Variants in LRGUK observed in about 807,000 individuals in gnomAD.
The protein encoded by LRGUK is leucine rich repeats and guanylate kinase domain containing.
In LRGUK, 65 loss-of-function variants were observed where a neutral mutation model predicts 76.0. That is an observed-to-expected ratio of 0.85 (90% CI 0.70 to 1.05). The LOEUF is 1.05. LRGUK is among the 50% of genes least tolerant of loss of function. The pLI is 0.00. For missense variants in LRGUK, 758 were observed against 732.8 expected, an observed-to-expected ratio of 1.03 and a Z score of -0.40; for synonymous variants, 268 against 265.6, an observed-to-expected ratio of 1.01 and a Z score of -0.09.
At chr7:134,161,317 T>A (rs1025094062) in intron 6 of LRGUK, among the ~76,000 whole-genome samples, 1 of 151,980 alleles carries the variant, frequency 6.6e-6, no homozygotes, top group Admixed American at 6.6e-5. Flanking sequence ...TTTGGTGTAG[T>A]TTTTTTTCTT....
intron 9 of LRGUK, among the ~76,000 whole-genome samples, chr7:134,177,735 G>C (rs543875734): frequency 6.6e-6 from 1 of 152,306 alleles, no homozygotes; most frequent in South Asian, 2.1e-4. Context: ...AGAGAGGCAC[G>C]TATTCCATCT....
intron 8 of LRGUK, 47 bp downstream of exon 8, chr7:134,174,683 A>G (rs1322628694): frequency 3.8e-6 from 4 of 1,040,230 alleles, no homozygotes; most frequent in Non-Finnish European, 6.0e-6. Context: ...AGAAAGTGGG[A>G]TGGTGGAGGG....
chr7:134,216,929 G>A (rs1484962574), intron 15 of LRGUK, among the ~76,000 whole-genome samples: 1 of 152,118 alleles, frequency 6.6e-6, no homozygotes, highest in Non-Finnish European at 1.5e-5. Flanking sequence ...GGATTGGGTG[G>A]CAATCCCATC....
At chr7:134,199,371 T>C (rs1800653228) in exon 14 of LRGUK, 2 of 1,613,858 alleles carry the variant, frequency 1.2e-6, no homozygotes, top group South Asian at 2.2e-5. Context: ...GACCTTTATA[T>C]TAAAATTAAT....
At chr7:134,131,303 A>G (rs967032101) in intron 1 of LRGUK, among the ~76,000 whole-genome samples, 1 of 152,262 alleles carries the variant, frequency 6.6e-6, no homozygotes, top group African/African-American at 2.4e-5. Context: ...AATAAATAAT[A>G]ACAGTAATGG....
At chr7:134,242,786 T>C (rs1802196436) in intron 16 of LRGUK, among the ~76,000 whole-genome samples, 1 of 152,142 alleles carries the variant, frequency 6.6e-6, no homozygotes, top group Non-Finnish European at 1.5e-5. Flanking sequence ...ATGATGATCA[T>C]CGATGCAAAA....
At chr7:134,183,937 A>T in intron 11 of LRGUK, 84 bp downstream of exon 11, 1 of 1,495,392 alleles carries the variant, frequency 6.7e-7, no homozygotes, top group Non-Finnish European at 9.2e-7. Context: ...AATCTCCGAT[A>T]TTGCTAATGT....
intron 15 of LRGUK, among the ~76,000 whole-genome samples, chr7:134,204,966 G>A (rs192698005): frequency 6.6e-5 from 10 of 152,310 alleles, no homozygotes; most frequent in Admixed American, 4.6e-4. Flanking sequence ...GTGGACCTTC[G>A]TGGTGAGTGT....
rs571632408 is a variant in LRGUK at position 134,136,998 on chromosome 7, G to T, written c.298-25G>T. On this transcript the variant is annotated intron_variant, in intron 1 of 15. Transcript: ENST00000645682. ...CTTTTCTAATGAGAATCTTTTCTTT[G>T]TCTACCTTTCTGGGTTTTTTACAGG... 1.7e-5 allele frequency: 26 copies of T among 1,517,770 alleles called. No individual in the cohort carries two copies. In the South Asian group the frequency reaches 2.5e-4, roughly 15 times the overall value. 94.0% of individuals were successfully genotyped at this position (1,517,770 alleles called of 1,614,324 possible). A position where few individuals can be genotyped will look rare whatever the true frequency, so the allele number is the denominator to read the frequency against.
chr7:134,146,954 TTTTTG>T (rs1311586525), intron 4 of LRGUK, among the ~76,000 whole-genome samples: 4 of 152,176 alleles, frequency 2.6e-5, no homozygotes, highest in African/African-American at 7.2e-5. Flanking sequence ...AAAAAAACTT[TTTTTG>T]TTTATCTTTT....
At chr7:134,196,660 A>T (rs1047620116) in intron 12 of LRGUK, among the ~76,000 whole-genome samples, 14 of 152,336 alleles carry the variant, frequency 9.2e-5, no homozygotes, top group African/African-American at 3.4e-4. Flanking sequence ...TTCTCTCAGT[A>T]ATGAAGGTTT....
intron 7 of LRGUK, among the ~76,000 whole-genome samples, chr7:134,170,348 A>G (rs1015182611): frequency 6.6e-6 from 1 of 152,000 alleles, no homozygotes; most frequent in African/African-American, 2.4e-5. Context: ...TTAGGTGTTC[A>G]CCTAAACTTT....
chr7:134,176,230 C>T (rs980212252), intron 8 of LRGUK, among the ~76,000 whole-genome samples: 7 of 151,990 alleles, frequency 4.6e-5, no homozygotes, highest in Admixed American at 2.6e-4. Context: ...CTGTCAGGGG[C>T]GGGAGGAGGG....
chr7:134,204,015 A>G (rs1563181214), intron 15 of LRGUK, among the ~76,000 whole-genome samples: 1 of 152,122 alleles, frequency 6.6e-6, no homozygotes, highest in Admixed American at 6.5e-5. Context: ...GCTTGTCTCC[A>G]TTGTAAATTA....
the LRGUK span, among the ~76,000 whole-genome samples, chr7:134,271,613 C>G: frequency 6.6e-6 from 1 of 151,944 alleles, no homozygotes; most frequent in African/African-American, 2.4e-5. Context: ...AAATGCCTCA[C>G]TTGGAGTTGG....
chr7:134,172,324 G>A (rs955647690), intron 7 of LRGUK, among the ~76,000 whole-genome samples: 2 of 151,750 alleles, frequency 1.3e-5, no homozygotes, highest in Non-Finnish European at 2.9e-5. Context: ...CAAAAAATTA[G>A]AATATAGAAT....
At chr7:134,193,847 C>T (rs1021882446) in intron 12 of LRGUK, among the ~76,000 whole-genome samples, 4 of 152,196 alleles carry the variant, frequency 2.6e-5, no homozygotes, top group Admixed American at 6.5e-5. Context: ...GGCCCACTGA[C>T]GGACAGCCTT....
intron 15 of LRGUK, among the ~76,000 whole-genome samples, chr7:134,206,155 G>T (rs117057858): frequency 1.3e-5 from 2 of 152,254 alleles, no homozygotes; most frequent in African/African-American, 4.8e-5. Context: ...CTTAATGCAT[G>T]TATAAAATAC....
chr7:134,194,126 C>A (rs1368106630), intron 12 of LRGUK, among the ~76,000 whole-genome samples: 1 of 152,126 alleles, frequency 6.6e-6, no homozygotes, highest in African/African-American at 2.4e-5. Context: ...ATTAGGAAAT[C>A]CATATGCAGC....
Sources: allele counts gnomAD v4.1 joint callset (sites outside exome capture counted in the v4.1 genomes callset), GRCh38; gene constraint gnomAD v4.1.1; transcripts MANE v1.5; gene names NCBI Gene and HGNC (gene_info 2026-07-23, HGNC 2026-07-21).